The following SLC25A17 variants were observed in gnomAD, a reference collection of about 807,000 sequenced individuals.
SLC25A17 encodes the protein solute carrier family 25 member 17.
SLC25A17 carries 26 observed loss-of-function variants against 38.5 expected under a neutral mutation model. That is an observed-to-expected ratio of 0.68 (90% CI 0.50 to 0.94). The LOEUF (loss-of-function observed/expected upper bound fraction) is 0.94. Ranked by LOEUF, SLC25A17 falls within the 40% of genes least tolerant of loss-of-function variation. SLC25A17 has a pLI of 0.00. For missense variants in SLC25A17, 333 were observed against 372.7 expected (o/e 0.89, Z 0.88); for synonymous variants, 139 against 136.2 (o/e 1.02, Z -0.14).
rs138597313 is a variant in SLC25A17, at chr22:40,819,203, C to G, written c.46G>C (p.Gly16Arg). ...SYESLVHAVA[G>R]AVGSVTAMTV... ...TAAAGACCCCGTCTCACCACGGCTCCGGCCACGGCGTGGACCAGGCTTTCG... is the reference window on the plus strand; with the variant it reads ...TAAAGACCCCGTCTCACCACGGCTCGGGCCACGGCGTGGACCAGGCTTTCG... The change falls in exon 1 of 9, where the codon GGA becomes CGA. Residue 16 changes from glycine (G) to arginine (R), a missense_variant. Physicochemically the swap from Gly to Arg is moderately radical, Grantham distance 125 (BLOSUM62 -2). Transcript: ENST00000435456. The G allele has an allele frequency of 3.7e-6, 6 of 1,613,624 alleles. No individual in the cohort carries two copies. The African/African-American group carries it at 8.0e-5, about 22-fold the overall frequency.
rs1472312521 is a variant in SLC25A17, at chr22:40,770,481, ACAG to A, written c.*350_*352del. 4 of 157,638 alleles carry A rather than the reference ACAG, an allele frequency of 2.5e-5. No homozygotes were observed. The highest frequency in any genetic ancestry group is 9.6e-5 in the African/African-American group (4 of 41,650). 9.8% of individuals were successfully genotyped at this position (157,638 alleles called of 1,614,324 possible). Reference sequence around the variant, plus strand: ...CTGGGGGAGAGTTCAGGGAAAGAGAACAGCTGGTATATTTAAGAAAGATTTAAA... The same window carrying A: ...CTGGGGGAGAGTTCAGGGAAAGAGAACTGGTATATTTAAGAAAGATTTAAA... On this transcript the variant is annotated 3_prime_UTR_variant, in exon 9 of 9. Coordinates refer to ENST00000435456, the MANE Select transcript of SLC25A17 (RefSeq NM_006358.4).
In SLC25A17 at chr22:40,770,722, T is replaced by G; in HGVS notation, c.*112A>C. 7 of 1,156,698 alleles carry G rather than the reference T, an allele frequency of 6.1e-6. No homozygotes were observed. The highest frequency in any genetic ancestry group is 7.1e-6 in the Non-Finnish European group (6 of 843,024). The allele number at this position is 1,156,698 out of a possible 1,614,324, so 71.7% of individuals were successfully genotyped here. A position where few individuals can be genotyped will look rare whatever the true frequency, so the allele number is the denominator to read the frequency against. On this transcript the variant is annotated 3_prime_UTR_variant, in exon 9 of 9. Coordinates refer to ENST00000435456, the MANE Select transcript of SLC25A17 (RefSeq NM_006358.4). ...CACCCTTGGATGCTTTTCAAGCCAA[T>G]GAGGGTAACATTTGTGGTGGCAGGA...
At chr22:40,783,605 C>T (rs548944707) in intron 4 of SLC25A17, among the ~76,000 whole-genome samples, 212 of 150,616 alleles carry the variant, frequency 1.4e-3, no homozygotes, top group African/African-American at 5.0e-3. Context: ...AGGCACATGC[C>T]GGCTAATTTA....
At chr22:40,794,405 A>G in intron 3 of SLC25A17, 109 bp downstream of exon 3, 1 of 630,384 alleles carries the variant, frequency 1.6e-6, no homozygotes, top group Non-Finnish European at 2.8e-6. Context: ...TTCCAAATTC[A>G]CAACATTAGA....
chr22:40,777,318 T>C lies in SLC25A17; in HGVS notation c.507A>G (p.Thr169=). The change falls in exon 6 of 9, where the codon ACA becomes ACG. Residue 169 remains threonine, a synonymous_variant. Transcript: ENST00000435456. ...DEGISALWNG[T]FPSLLLVFNP... ...TGAAGACCAACAGCAATGAGGGAAA[T>C]GTGCCATTCCATAAAGCCGAGATTC... 1 of 1,614,164 alleles carries C rather than the reference T, an allele frequency of 6.2e-7. No homozygotes were observed. The highest frequency in any genetic ancestry group is 8.5e-7 in the Non-Finnish European group (1 of 1,180,014).
At chr22:40,817,678 T>A in intron 1 of SLC25A17, among the ~76,000 whole-genome samples, 1 of 152,126 alleles carries the variant, frequency 6.6e-6, no homozygotes, top group East Asian at 1.9e-4. Context: ...GTCACCATCA[T>A]CTCTCGCCTG....
intron 8 of SLC25A17, among the ~76,000 whole-genome samples, chr22:40,771,502 T>C (rs901807547): frequency 6.6e-6 from 1 of 152,200 alleles, no homozygotes; most frequent in Non-Finnish European, 1.5e-5. Context: ...GTGGTACTTA[T>C]ACAAAATGCA....
At chr22:40,781,164 C>A (rs1425608084) in intron 4 of SLC25A17, among the ~76,000 whole-genome samples, 1 of 151,258 alleles carries the variant, frequency 6.6e-6, no homozygotes, top group East Asian at 1.9e-4. Flanking sequence ...AGAGTGAGAC[C>A]TTTTCTTATT....
In SLC25A17 at chr22:40,772,301, CTTTTA is replaced by C. The variant is rs977980282; in HGVS notation, c.777-1325_777-1321del. 9.6e-4 allele frequency among the ~76,000 whole-genome samples: 146 copies of C among 152,164 alleles called. 1 individual carries two copies. The highest frequency in any genetic ancestry group is 3.4e-3 in the African/African-American group (141 of 41,538). Reference sequence around the variant, plus strand: ...TTTTTACTTTATACATATTCTTTGTCTTTTATTTTATTTTATTTTTTGATAGAAGG... The same window carrying C: ...TTTTTACTTTATACATATTCTTTGTCTTTTATTTTATTTTTTGATAGAAGG... On this transcript the variant is annotated intron_variant, in intron 8 of 8. Transcript: ENST00000435456.
At chr22:40,815,777 C>T (rs1228445373) in intron 1 of SLC25A17, among the ~76,000 whole-genome samples, 1 of 152,206 alleles carries the variant, frequency 6.6e-6, no homozygotes, top group South Asian at 2.1e-4. Context: ...TACTACAGAA[C>T]CTTTTTTTTC....
intron 1 of SLC25A17, chr22:40,799,687 A>G (rs2057464468): frequency 6.6e-6 from 1 of 152,098 alleles, no homozygotes; most frequent in Non-Finnish European, 1.5e-5. Flanking sequence ...AAATGAACAA[A>G]AGTTTATTAT....
chr22:40,784,575 C>T (rs1602596903), intron 4 of SLC25A17: 1 of 266,400 alleles, frequency 3.8e-6, no homozygotes, highest in Non-Finnish European at 8.2e-6. Flanking sequence ...GGGTTTGAAA[C>T]CAGCCTGGGC....
intron 4 of SLC25A17, among the ~76,000 whole-genome samples, chr22:40,781,285 G>A (rs1378689463): frequency 1.4e-5 from 2 of 146,660 alleles, no homozygotes; most frequent in Non-Finnish European, 3.0e-5. Context: ...TCGCTCTTTC[G>A]CCCAGGCCGG....
chr22:40,771,177 G>A (rs2057179536), intron 8 of SLC25A17, among the ~76,000 whole-genome samples, 196 bp from the exon 9 acceptor site: 5 of 152,252 alleles, frequency 3.3e-5, no homozygotes, highest in East Asian at 1.9e-4. Flanking sequence ...GCGCGATCTC[G>A]GCTCACTGCA....
At position 40,777,223 on chromosome 22, in the gene SLC25A17, A is replaced by G. The variant is rs1294884641; in HGVS notation, c.597+5T>C. ...TATTTTACTGCTTTCAAAATCAAGGATTACCTTCATCCGTTTCTTTAAAAG... is the reference window on the plus strand; with the variant it reads ...TATTTTACTGCTTTCAAAATCAAGGGTTACCTTCATCCGTTTCTTTAAAAG... On this transcript the variant is annotated splice_donor_5th_base_variant and intron_variant, in intron 6 of 8. Coordinates refer to ENST00000435456, the MANE Select transcript of SLC25A17 (RefSeq NM_006358.4). 6.2e-7 allele frequency: 1 copy of G among 1,613,712 alleles called. No homozygotes were observed. The highest frequency in any genetic ancestry group is 1.7e-5 in the Admixed American group (1 of 60,002).
intron 1 of SLC25A17, among the ~76,000 whole-genome samples, chr22:40,804,482 C>G (rs1326891161): frequency 6.6e-6 from 1 of 151,984 alleles, no homozygotes; most frequent in African/African-American, 2.4e-5. Flanking sequence ...TTTTAAGTAT[C>G]TCTTGGCCAA....
rs767993295 is a variant in SLC25A17, at chr22:40,794,498, C to G, written c.182+16G>C. On this transcript the variant is annotated intron_variant, in intron 3 of 8. Coordinates refer to ENST00000435456, the MANE Select transcript of SLC25A17 (RefSeq NM_006358.4). The stretch of plus-strand genomic sequence containing the variant: ...AACAAGTTGCTTTAACGAAGGTGAA[C>G]TGAGGTAGTACTCACAGTCCTTCTT... The G allele has an allele frequency of 1.9e-6, 3 of 1,562,950 alleles. No individual in the cohort carries two copies. The highest frequency in any genetic ancestry group is 1.7e-5 in the Admixed American group (1 of 58,758).
chr22:40,809,568 G>T (rs1277098139), intron 1 of SLC25A17, among the ~76,000 whole-genome samples: 1 of 151,982 alleles, frequency 6.6e-6, no homozygotes, highest in Non-Finnish European at 1.5e-5. Flanking sequence ...GGCTGTTGGG[G>T]CTACAGTAAG....
At chr22:40,794,829 G>C (rs1445544581) in intron 2 of SLC25A17, among the ~76,000 whole-genome samples, 3 of 152,030 alleles carry the variant, frequency 2.0e-5, no homozygotes, top group African/African-American at 7.3e-5. Context: ...ATTTTGGCCA[G>C]GCTGGTCTTG....
Sources: allele counts gnomAD v4.1 joint callset (sites outside exome capture counted in the v4.1 genomes callset), GRCh38; gene constraint gnomAD v4.1.1; transcripts MANE v1.5; gene names NCBI Gene and HGNC (gene_info 2026-07-23, HGNC 2026-07-21).